SLC22A24: variants seen among roughly 807,000 people sequenced by gnomAD.
The protein encoded by SLC22A24 is steroid transmembrane transporter SLC22A24.
Under a neutral mutation model 49.8 loss-of-function variants are expected in SLC22A24, and 53 were observed. The ratio of observed to expected loss-of-function variants is 1.06; its 90% CI spans 0.85 to 1.34. The LOEUF is 1.34. SLC22A24 is among the 40% of genes most tolerant of loss of function. The pLI, the probability that SLC22A24 is intolerant of heterozygous loss-of-function variation, is 0.00. For synonymous variants in SLC22A24, 302 were observed against 256.4 expected (o/e 1.18, Z -1.70); for missense variants, 786 against 675.9 (o/e 1.16, Z -1.81).
chr11:63,104,065 A>G, intron 5 of SLC22A24, 110 bp downstream of exon 5: 1 of 1,078,098 alleles, frequency 9.3e-7, no homozygotes, highest in East Asian at 2.6e-5. Flanking sequence ...CAGAGATGTA[A>G]GACTCCACTC....
intron 2 of SLC22A24, among the ~76,000 whole-genome samples, chr11:63,120,305 G>C (rs1200697025): frequency 8.5e-6 from 1 of 117,872 alleles, no homozygotes; most frequent in Admixed American, 9.7e-5. Context: ...GACTGTTGTG[G>C]GGTGGGGGGA....
chr11:63,112,533 CTA>C, intron 4 of SLC22A24, among the ~76,000 whole-genome samples: 1 of 151,972 alleles, frequency 6.6e-6, no homozygotes, highest in Non-Finnish European at 1.5e-5. Flanking sequence ...TGCTAGCAGT[CTA>C]TGAATTTTGT....
In SLC22A24 at chr11:63,143,601, G is replaced by A. The variant is rs746480913; in HGVS notation, c.179C>T (p.Ser60Phe). The change falls in exon 1 of 10, where the codon TCT becomes TTT. Residue 60 changes from serine to phenylalanine, a missense_variant. Ser to Phe is a radical substitution (Grantham distance 155, BLOSUM62 -2). Coordinates refer to ENST00000612278, the MANE Select transcript of SLC22A24 (RefSeq NM_001136506.2). ...WVPLLDNDTVSDNDTGTLSKD... is the reference protein window; with the variant it reads ...WVPLLDNDTVFDNDTGTLSKD... ...GCTGAGGGTCCCGGTATCATTGTCAGACACAGTGTCATTGTCCAGGAGGGG... is the reference window on the plus strand; with the variant it reads ...GCTGAGGGTCCCGGTATCATTGTCAAACACAGTGTCATTGTCCAGGAGGGG... 1 of 1,578,446 alleles carries A rather than the reference G, an allele frequency of 6.3e-7. No individual in the cohort carries two copies. The highest frequency in any genetic ancestry group is 8.6e-7 in the Non-Finnish European group (1 of 1,163,494).
At chr11:63,135,168 A>C (rs1009784184) in intron 1 of SLC22A24, among the ~76,000 whole-genome samples, 3 of 152,178 alleles carry the variant, frequency 2.0e-5, no homozygotes, top group African/African-American at 7.2e-5. Context: ...AAACCCCCAC[A>C]ATCTTTCTAA....
intron 6 of SLC22A24, among the ~76,000 whole-genome samples, chr11:63,088,054 C>T (rs1046947066): frequency 2.6e-5 from 4 of 152,158 alleles, no homozygotes; most frequent in African/African-American, 7.2e-5. Context: ...GTGATTCTCC[C>T]AATAGAGTGC....
chr11:63,112,061 G>A (rs554521885), intron 4 of SLC22A24, among the ~76,000 whole-genome samples: 2,340 of 151,954 alleles, frequency 0.015, 27 homozygotes, highest in Middle Eastern at 0.044. Flanking sequence ...CTTTGGTCTC[G>A]TTGGTTTCAA....
intron 7 of SLC22A24, among the ~76,000 whole-genome samples, chr11:63,082,613 G>C (rs2086966286): frequency 6.6e-6 from 1 of 152,232 alleles, no homozygotes; most frequent in African/African-American, 2.4e-5. Flanking sequence ...TCCTTGTTTA[G>C]GGGTAGATTA....
intron 6 of SLC22A24, among the ~76,000 whole-genome samples, chr11:63,087,024 G>GCGCGCACACACA (rs376936925): frequency 0.034 from 4,479 of 132,534 alleles, 151 homozygotes; most frequent in East Asian, 0.092. Flanking sequence ...CCTGGAGGGC[G>GCGCGCACACACA]CACACACACA....
At chr11:63,083,953 C>T (rs1246692750) in intron 6 of SLC22A24, among the ~76,000 whole-genome samples, 2 of 152,084 alleles carry the variant, frequency 1.3e-5, no homozygotes, top group Admixed American at 6.6e-5. Context: ...CTTAGTAATC[C>T]CTGGAGAATG....
intron 5 of SLC22A24, among the ~76,000 whole-genome samples, chr11:63,101,912 AG>A (rs1303223191): frequency 6.6e-6 from 1 of 152,082 alleles, no homozygotes. Context: ...ATGGAGATAA[AG>A]AGTAGAAGGA....
intron 2 of SLC22A24, among the ~76,000 whole-genome samples, chr11:63,130,000 T>C (rs1341416495): frequency 1.3e-5 from 2 of 152,224 alleles, no homozygotes; most frequent in Non-Finnish European, 2.9e-5. Flanking sequence ...TGGCCAGAAC[T>C]TCCAACACTA....
At chr11:63,123,917 C>A (rs1279891561) in intron 2 of SLC22A24, among the ~76,000 whole-genome samples, 1 of 152,096 alleles carries the variant, frequency 6.6e-6, no homozygotes, top group Non-Finnish European at 1.5e-5. Flanking sequence ...AGGAGTAAGT[C>A]TTTAAAAAGG....
intron 6 of SLC22A24, among the ~76,000 whole-genome samples, chr11:63,095,143 T>G (rs893102265): frequency 6.6e-6 from 1 of 152,246 alleles, no homozygotes; most frequent in African/African-American, 2.4e-5. Context: ...TAATCCATCT[T>G]GAATTAATTT....
Position 63,083,318 on chromosome 11 carries a change from C to G in SLC22A24, c.1210G>C (p.Gly404Arg), listed in dbSNP as rs1186937474. ...AACAATATCTGGCTTATTCGACGAC[C>G]CATATGATTCAGTGTCAAAAGGGAA... Reference protein sequence around the residue: ...CVSLLTLNHMGRRISQILFTF... With the variant: ...CVSLLTLNHMRRRISQILFTF... The change falls in exon 7 of 10, where the codon GGT (glycine) becomes CGT (arginine). Residue 404 changes from glycine (G) to arginine (R), a missense_variant. Coordinates refer to ENST00000612278, the MANE Select transcript of SLC22A24 (RefSeq NM_001136506.2). 9.0e-6 allele frequency: 14 copies of G among 1,559,954 alleles called. No individual in the cohort carries two copies. Among genetic ancestry groups the G allele is most frequent in the Non-Finnish European group, 1.2e-5 (14 of 1,150,930 alleles).
At chr11:63,108,458 G>C (rs2087137465) in intron 4 of SLC22A24, among the ~76,000 whole-genome samples, 1 of 152,150 alleles carries the variant, frequency 6.6e-6, no homozygotes, top group African/African-American at 2.4e-5. Flanking sequence ...AAATGAGTTA[G>C]GGAGGATTCC....
At chr11:63,118,863 G>A in intron 4 of SLC22A24, 49 bp downstream of exon 4, 1 of 1,546,242 alleles carries the variant, frequency 6.5e-7, no homozygotes, top group Non-Finnish European at 8.8e-7. Context: ...TCCTTTCTAT[G>A]TCTACCATAG....
intron 7 of SLC22A24, 27 bp downstream of exon 7, chr11:63,083,216 C>A (rs1057395288): frequency 9.1e-6 from 14 of 1,534,494 alleles, no homozygotes; most frequent in African/African-American, 1.4e-5. Context: ...TAACTACTTT[C>A]TTTCCTGAAA....
chr11:63,129,224 A>G (rs1409127034), intron 2 of SLC22A24, among the ~76,000 whole-genome samples: 2 of 152,208 alleles, frequency 1.3e-5, no homozygotes, highest in Non-Finnish European at 2.9e-5. Flanking sequence ...ACCACTTATT[A>G]AAAAGGAAAT....
At chr11:63,108,105 C>T (rs2087134479) in intron 4 of SLC22A24, among the ~76,000 whole-genome samples, 1 of 152,076 alleles carries the variant, frequency 6.6e-6, no homozygotes, top group Non-Finnish European at 1.5e-5. Context: ...TGAGATACAT[C>T]CCATCAATAC....
Sources: gnomAD v4.1 joint callset for allele counts (sites outside exome capture counted in the v4.1 genomes callset) on GRCh38, gnomAD v4.1.1 for gene constraint, MANE v1.5 for transcripts, NCBI Gene and HGNC (gene_info 2026-07-23, HGNC 2026-07-21) for gene names.